Variants in KALRN observed in about 807,000 individuals in gnomAD.
KALRN encodes the protein kalirin.
In KALRN, 70 loss-of-function variants were observed where a neutral mutation model predicts 353.7. The ratio of observed to expected loss-of-function variants is 0.20; its 90% CI spans 0.16 to 0.24. KALRN has a LOEUF of 0.24. KALRN is among the 10% of genes least tolerant of loss of function. The pLI is 1.00. For missense variants in KALRN, 2,791 were observed against 3,756.7 expected (o/e 0.74, Z 6.72); for synonymous variants, 1,391 against 1,434.8 (o/e 0.97, Z 0.69).
intron 9 of KALRN, among the ~76,000 whole-genome samples, chr3:124,342,866 T>C (rs1485761120): frequency 2.6e-5 from 4 of 152,134 alleles, no homozygotes; most frequent in Non-Finnish European, 2.9e-5. Flanking sequence ...AAAAAAAATA[T>C]GTTATGTCTG....
chr3:124,042,971 A>T (rs990686171), intron 1 of KALRN, among the ~76,000 whole-genome samples: 1 of 152,218 alleles, frequency 6.6e-6, no homozygotes, highest in Admixed American at 6.5e-5. Flanking sequence ...TTGTATATAC[A>T]GGGGTATCTA....
At chr3:124,470,910 C>CA (rs755907917) in intron 25 of KALRN, among the ~76,000 whole-genome samples, 25 of 151,730 alleles carry the variant, frequency 1.6e-4, no homozygotes, top group Middle Eastern at 3.4e-3. Context: ...AGTTCTTCAG[C>CA]AAAAAAAACC....
chr3:124,130,545 T>C (rs2065159001), intron 1 of KALRN, among the ~76,000 whole-genome samples: 2 of 152,152 alleles, frequency 1.3e-5, no homozygotes. Context: ...GGTGGGAGTG[T>C]ATATTTATAC....
At position 124,667,130 on chromosome 3, in the gene KALRN, C is replaced by T. The variant is rs1459380119; in HGVS notation, c.6650C>T (p.Ala2217Val). 1 of 1,614,152 alleles carries T rather than the reference C, an allele frequency of 6.2e-7. No individual in the cohort carries two copies. Among genetic ancestry groups the T allele is most frequent in the Admixed American group, 1.7e-5 (1 of 60,020 alleles). ...GCCGCCAACGCTGACATCCAGCAGGCCTGGGTGCAGGACATCAATCAAGTC... is the reference window on the plus strand; with the variant it reads ...GCCGCCAACGCTGACATCCAGCAGGTCTGGGTGCAGGACATCAATCAAGTC... ...LQAANADIQQ[A>V]WVQDINQVLE... The change falls in exon 47 of 60, where the codon GCC becomes GTC. Residue 2217 changes from alanine to valine, a missense_variant. Transcript: ENST00000682506.
chr3:124,526,141 G>T (rs1393860570), intron 33 of KALRN, among the ~76,000 whole-genome samples: 1 of 152,214 alleles, frequency 6.6e-6, no homozygotes, highest in Non-Finnish European at 1.5e-5. Flanking sequence ...AATGAGCCTA[G>T]TGAGTGTGAT....
chr3:124,126,655 A>C lies in KALRN; in HGVS notation c.73+92842A>C, dbSNP rs567728248. 2.6e-5 allele frequency among the ~76,000 whole-genome samples: 4 copies of C among 152,366 alleles called. 1 individual carries two copies. The South Asian group carries it at 8.3e-4, about 32-fold the overall frequency. ...AGTCACAAGTTTGGAAGAATTTCTC[A>C]TGATGTAATCAAGATGTAAAAGCTA... is the stretch of plus-strand genomic sequence containing the variant. On this transcript the variant is annotated intron_variant, in intron 1 of 59. Transcript: ENST00000682506.
At chr3:124,516,443 C>G (rs909789945) in intron 33 of KALRN, among the ~76,000 whole-genome samples, 1 of 152,196 alleles carries the variant, frequency 6.6e-6, no homozygotes, top group Non-Finnish European at 1.5e-5. Context: ...GTGAAACACT[C>G]AGCACCTTGT....
At chr3:124,616,425 T>G (rs1481395251) in intron 34 of KALRN, among the ~76,000 whole-genome samples, 1 of 152,190 alleles carries the variant, frequency 6.6e-6, no homozygotes, top group Non-Finnish European at 1.5e-5. Context: ...TACTTTGGCA[T>G]TCATAACAGG....
intron 34 of KALRN, among the ~76,000 whole-genome samples, chr3:124,573,075 C>A (rs1408851454): frequency 6.6e-6 from 1 of 152,012 alleles, no homozygotes; most frequent in African/African-American, 2.4e-5. Context: ...GAGTCTGAAT[C>A]CTGGTCACTG....
chr3:124,675,152 C>G (rs1286684815), intron 49 of KALRN: 1 of 152,098 alleles, frequency 6.6e-6, no homozygotes, highest in African/African-American at 2.4e-5. Context: ...CAGATTGTAA[C>G]TTTTTAAAAA....
intron 14 of KALRN, among the ~76,000 whole-genome samples, chr3:124,416,265 C>T (rs1280280913): frequency 6.6e-6 from 1 of 152,178 alleles, no homozygotes; most frequent in African/African-American, 2.4e-5. Flanking sequence ...ACGTCTGTCC[C>T]AAGAGCCAAG....
In KALRN at chr3:124,206,541, C is replaced by T. The variant is rs2076428151; in HGVS notation, c.74-21449C>T. 2.0e-5 allele frequency among the ~76,000 whole-genome samples: 3 copies of T among 152,200 alleles called. No homozygotes were observed. The South Asian group carries it at 6.2e-4, about 31-fold the overall frequency. On this transcript the variant is annotated intron_variant, in intron 1 of 59. Transcript: ENST00000682506. ...TATGGATTGGTGGAAATAGTCACCA[C>T]TATGGATATAGGTCAGTCCAGGTCA...
At chr3:124,366,411 CG>C (rs2084700131) in intron 10 of KALRN, among the ~76,000 whole-genome samples, 1 of 149,066 alleles carries the variant, frequency 6.7e-6, no homozygotes, top group Non-Finnish European at 1.5e-5. Context: ...TGACTCTTAA[CG>C]AGCATGCTGC....
At chr3:124,331,624 A>G (rs1425314128) in intron 8 of KALRN, among the ~76,000 whole-genome samples, 2 of 128,442 alleles carry the variant, frequency 1.6e-5, no homozygotes, top group African/African-American at 6.9e-5. Context: ...CATATGGCTC[A>G]AAGCTTTCTG....
At chr3:124,281,348 G>A (rs973845213) in intron 5 of KALRN, among the ~76,000 whole-genome samples, 1 of 152,180 alleles carries the variant, frequency 6.6e-6, no homozygotes, top group Non-Finnish European at 1.5e-5. Flanking sequence ...TAGAGATTGG[G>A]TTGACCAGCT....
chr3:124,515,990 C>T (rs2108916570), intron 33 of KALRN, among the ~76,000 whole-genome samples: 1 of 152,266 alleles, frequency 6.6e-6, no homozygotes, highest in South Asian at 2.1e-4. Context: ...TCACCTATTT[C>T]CTATTTCTCA....
intron 1 of KALRN, among the ~76,000 whole-genome samples, chr3:124,075,322 C>T (rs953087935): frequency 2.6e-5 from 4 of 152,188 alleles, no homozygotes; most frequent in Non-Finnish European, 4.4e-5. Flanking sequence ...ATTTGTCAGT[C>T]GGGTTCTCAT....
At chr3:124,308,568 C>A (rs1299362065) in intron 6 of KALRN, among the ~76,000 whole-genome samples, 2 of 151,802 alleles carry the variant, frequency 1.3e-5, no homozygotes, top group Middle Eastern at 3.4e-3. Flanking sequence ...CCTGAATATC[C>A]AATAGCTAAG....
intron 15 of KALRN, among the ~76,000 whole-genome samples, chr3:124,426,832 C>G (rs1462853564): frequency 6.6e-6 from 1 of 152,136 alleles, no homozygotes; most frequent in Non-Finnish European, 1.5e-5. Flanking sequence ...TTAGACAATT[C>G]AGAAAGATTT....
Sources: gnomAD v4.1 joint callset for allele counts (sites outside exome capture counted in the v4.1 genomes callset) on GRCh38, gnomAD v4.1.1 for gene constraint, MANE v1.5 for transcripts, NCBI Gene and HGNC (gene_info 2026-07-23, HGNC 2026-07-21) for gene names.